Variants in EYS observed in about 807,000 individuals in gnomAD.
The protein encoded by EYS is protein eyes shut homolog.
EYS carries 250 observed loss-of-function variants against 282.1 expected under a neutral mutation model. The observed-to-expected ratio is 0.89, with a 90% CI of 0.80 to 0.98. The LOEUF (loss-of-function observed/expected upper bound fraction) is 0.98. Among genes scored for constraint, EYS ranks in the 50% least tolerant of loss-of-function variants. The pLI, the probability that EYS is intolerant of heterozygous loss-of-function variation, is 0.00. For missense variants in EYS, 4,016 were observed against 3,709.0 expected (o/e 1.08, Z -2.15); for synonymous variants, 1,355 against 1,282.9 (o/e 1.06, Z -1.20).
chr6:64,595,788 C>T (rs1766567137), intron 24 of EYS, among the ~76,000 whole-genome samples: 1 of 152,070 alleles, frequency 6.6e-6, no homozygotes, highest in African/African-American at 2.4e-5. Flanking sequence ...TTGAAGAGGA[C>T]AGAAATGAAG....
intron 36 of EYS, among the ~76,000 whole-genome samples, chr6:63,844,561 G>A (rs1772048511): frequency 1.3e-5 from 2 of 151,742 alleles, no homozygotes; most frequent in South Asian, 4.2e-4. Flanking sequence ...ACTGATGTAA[G>A]AGGATATCTC....
intron 2 of EYS, among the ~76,000 whole-genome samples, chr6:65,531,760 G>A (rs540012111): frequency 1.4e-3 from 213 of 152,308 alleles, no homozygotes; most frequent in Middle Eastern, 3.4e-3. Flanking sequence ...CACAGATGCT[G>A]ATTGAAAGAT....
chr6:64,200,438 ACT>A (rs990845383), intron 31 of EYS, among the ~76,000 whole-genome samples: 18 of 152,144 alleles, frequency 1.2e-4, no homozygotes, highest in Admixed American at 2.0e-4. Context: ...GGTATATATA[ACT>A]CTGTAGTATG....
At chr6:64,259,313 A>T (rs1296998293) in intron 30 of EYS, among the ~76,000 whole-genome samples, 1 of 152,008 alleles carries the variant, frequency 6.6e-6, no homozygotes, top group Non-Finnish European at 1.5e-5. Flanking sequence ...ACTTGTCTAA[A>T]CATTTAGATA....
intron 32 of EYS, among the ~76,000 whole-genome samples, chr6:64,070,007 C>G (rs1304579010): frequency 1.3e-5 from 2 of 151,994 alleles, no homozygotes; most frequent in African/African-American, 4.8e-5. Flanking sequence ...ATTATTATAT[C>G]TACTTCTGTG....
At chr6:65,538,582 G>C (rs533550523) in intron 2 of EYS, among the ~76,000 whole-genome samples, 1 of 152,158 alleles carries the variant, frequency 6.6e-6, no homozygotes, top group Non-Finnish European at 1.5e-5. Context: ...AAAAAAAGTA[G>C]GTAATTAAGC....
chr6:64,154,135 G>A (rs1251036731), intron 31 of EYS, among the ~76,000 whole-genome samples: 1 of 152,100 alleles, frequency 6.6e-6, no homozygotes, highest in Non-Finnish European at 1.5e-5. Flanking sequence ...GGTACCTCCA[G>A]GAAAGAGGAT....
At position 64,520,707 on chromosome 6, in the gene EYS, AT is replaced by A. The variant is rs531316804; in HGVS notation, c.5644+69515del. On this transcript the variant is annotated intron_variant, in intron 26 of 42. Coordinates refer to ENST00000503581, the MANE Select transcript of EYS (RefSeq NM_001142800.2). ...AAAAGATTTAGTACAACATTTTAAA[AT>A]TTTTTTCCCTGAAATTTTTACTTGT... Among the ~76,000 whole-genome samples, 694 of 151,746 alleles carry A rather than the reference AT, an allele frequency of 4.6e-3. 2 individuals carry two copies. Among genetic ancestry groups the A allele is most frequent in the African/African-American group, 0.016 (658 of 41,442 alleles).
intron 29 of EYS, among the ~76,000 whole-genome samples, chr6:64,381,988 C>A (rs1477751363): frequency 6.6e-6 from 1 of 152,056 alleles, no homozygotes; most frequent in Non-Finnish European, 1.5e-5. Flanking sequence ...ATCAAAGAAT[C>A]CAGTGGATGT....
chr6:64,400,542 A>G (rs577655653), intron 28 of EYS: 1 of 152,158 alleles, frequency 6.6e-6, no homozygotes, highest in South Asian at 2.1e-4. Flanking sequence ...ACACTTTTTA[A>G]CAGCAGTTGT....
intron 28 of EYS, among the ~76,000 whole-genome samples, chr6:64,427,393 A>G (rs1044959336): frequency 6.6e-6 from 1 of 152,088 alleles, no homozygotes; most frequent in African/African-American, 2.4e-5. Context: ...AAGCTAAATG[A>G]TATACAGACT....
chr6:64,898,861 G>A (rs540348378), intron 18 of EYS, among the ~76,000 whole-genome samples: 1 of 151,402 alleles, frequency 6.6e-6, no homozygotes, highest in African/African-American at 2.4e-5. Flanking sequence ...AGACAAAGAA[G>A]GGCATTACAT....
chr6:64,146,406 T>A (rs549665986), intron 31 of EYS, among the ~76,000 whole-genome samples: 61 of 152,296 alleles, frequency 4.0e-4, no homozygotes, highest in African/African-American at 1.4e-3. Context: ...AAAGAAATAT[T>A]AGAGGCTTTC....
At chr6:65,407,744 CGTGTGTGTGTGTGTGT>C (rs71002305) in intron 5 of EYS, among the ~76,000 whole-genome samples, 54 of 144,220 alleles carry the variant, frequency 3.7e-4, no homozygotes, top group South Asian at 3.5e-3. Flanking sequence ...CTAATAAGTC[CGTGTGTGTGTGTGTGT>C]GTGTGTGTGT....
intron 28 of EYS, among the ~76,000 whole-genome samples, chr6:64,399,929 A>G (rs1397916925): frequency 6.6e-6 from 1 of 151,948 alleles, no homozygotes; most frequent in Non-Finnish European, 1.5e-5. Flanking sequence ...TCTCTCAAAT[A>G]GTATTAGCTG....
chr6:64,189,892 C>G (rs193054086), intron 31 of EYS, among the ~76,000 whole-genome samples: 1 of 152,120 alleles, frequency 6.6e-6, no homozygotes, highest in Non-Finnish European at 1.5e-5. Context: ...CTTTCTGGTC[C>G]TTTACAAAAA....
rs183761391 is a variant in EYS at position 64,016,624 on chromosome 6, C to T, written c.6726-17441G>A. The stretch of plus-strand genomic sequence containing the variant: ...CCAAGTAGCTGGGACTACAGGCATA[C>T]ATCACTATGCCTGGCTAATTTTTGT... On this transcript the variant is annotated intron_variant, in intron 33 of 42. Coordinates refer to ENST00000503581, the MANE Select transcript of EYS (RefSeq NM_001142800.2). Among the ~76,000 whole-genome samples, 2 of 151,882 alleles carry T rather than the reference C, an allele frequency of 1.3e-5. 1 individual carries two copies. Among genetic ancestry groups the T allele is most frequent in the Non-Finnish European group, 2.9e-5 (2 of 67,950 alleles).
At chr6:64,369,883 T>A (rs577223957) in intron 29 of EYS, among the ~76,000 whole-genome samples, 7 of 152,068 alleles carry the variant, frequency 4.6e-5, no homozygotes, top group Non-Finnish European at 1.0e-4. Context: ...TGATTTTATA[T>A]CCTAAAACTT....
intron 7 of EYS, among the ~76,000 whole-genome samples, chr6:65,399,458 A>G (rs1229063894): frequency 6.6e-6 from 1 of 152,028 alleles, no homozygotes; most frequent in Non-Finnish European, 1.5e-5. Flanking sequence ...GCATAGTAAA[A>G]TAATTTAGAA....
Sources: allele counts gnomAD v4.1 joint callset (sites outside exome capture counted in the v4.1 genomes callset), GRCh38; gene constraint gnomAD v4.1.1; transcripts MANE v1.5; gene names NCBI Gene and HGNC (gene_info 2026-07-23, HGNC 2026-07-21).